The following TTC34 variants were observed in gnomAD, a reference collection of about 807,000 sequenced individuals.
TTC34 encodes tetratricopeptide repeat domain 34.
TTC34 carries 44 observed loss-of-function variants against 40.7 expected under a neutral mutation model. That is an observed-to-expected ratio of 1.08 (90% confidence interval 0.85 to 1.39). The LOEUF (loss-of-function observed/expected upper bound fraction) is 1.39. TTC34 is among the 40% of genes most tolerant of loss of function. The probability of loss-of-function intolerance (pLI) is 0.00; values close to 1 mark genes in which losing one functional copy is unlikely to be tolerated. For synonymous variants in TTC34, 422 were observed against 398.6 expected (o/e 1.06, Z -0.70); for missense variants, 884 against 838.0 (o/e 1.05, Z -0.68).
At chr1:2,749,511 G>A (rs1212790310) in intron 6 of TTC34, among the ~76,000 whole-genome samples, 12 of 56,508 alleles carry the variant, frequency 2.1e-4, no homozygotes, top group African/African-American at 5.1e-4. Flanking sequence ...ACAGCCTGGA[G>A]CAGCACCCAG....
chr1:2,787,227 T>G (rs1165659294), intron 4 of TTC34, among the ~76,000 whole-genome samples: 10 of 152,188 alleles, frequency 6.6e-5, no homozygotes, highest in South Asian at 2.1e-4. Context: ...CAGCTACGCA[T>G]GCAGGGAAAC....
chr1:2,793,374 C>T (rs1268393324), intron 2 of TTC34, among the ~76,000 whole-genome samples: 1 of 152,260 alleles, frequency 6.6e-6, no homozygotes, highest in East Asian at 1.9e-4. Flanking sequence ...TCTTCAAATA[C>T]TCTGCATACT....
At chr1:2,764,445 T>TG (rs1641736324) in intron 6 of TTC34, among the ~76,000 whole-genome samples, 1 of 145,744 alleles carries the variant, frequency 6.9e-6, no homozygotes, top group Admixed American at 6.8e-5. Context: ...TCTGACAGCC[T>TG]GGGGCAGTGC....
At chr1:2,648,168 C>T (rs1427689102) in intron 6 of TTC34, among the ~76,000 whole-genome samples, 2 of 151,826 alleles carry the variant, frequency 1.3e-5, no homozygotes, top group South Asian at 2.1e-4. Context: ...TACTTCTTCT[C>T]TTATTACGGG....
At chr1:2,700,319 G>T (rs1468575081) in intron 6 of TTC34, among the ~76,000 whole-genome samples, 1 of 75,424 alleles carries the variant, frequency 1.3e-5, no homozygotes, top group African/African-American at 4.1e-5. Context: ...GACAGTCTGG[G>T]GCAGCACCCA....
intron 6 of TTC34, among the ~76,000 whole-genome samples, chr1:2,695,862 A>G (rs1640840903): frequency 6.7e-6 from 1 of 150,048 alleles, no homozygotes. Context: ...GACAGCCTGG[A>G]GCAGAACCCA....
rs553703401 is a variant in TTC34 at position 2,691,637 on chromosome 1, C to A, written c.2227-46074G>T. Among the ~76,000 whole-genome samples the A allele has an allele frequency of 1.1e-4, 10 of 90,898 alleles. 1 individual carries two copies. The highest frequency in any genetic ancestry group is 1.5e-4 in the Non-Finnish European group (6 of 40,992). 59.6% of individuals were successfully genotyped at this position (90,898 alleles called of 152,430 possible). ...AGCACCCTGCACCCCCAGGTGCGCACGTGACAGCCTGGAACAGCACCGACA... is the reference window on the plus strand; with the variant it reads ...AGCACCCTGCACCCCCAGGTGCGCAAGTGACAGCCTGGAACAGCACCGACA... On this transcript the variant is annotated intron_variant, in intron 6 of 8. Coordinates refer to ENST00000401095, the Ensembl canonical transcript of TTC34.
chr1:2,637,171 A>G (rs1363998984), exon 9 of TTC34: 1 of 152,026 alleles, frequency 6.6e-6, no homozygotes, highest in Admixed American at 6.5e-5. Context: ...AAAAAGGCTT[A>G]AACAAAGGTA....
At chr1:2,699,994 C>T (rs1473591829) in intron 6 of TTC34, among the ~76,000 whole-genome samples, 1 of 111,512 alleles carries the variant, frequency 9.0e-6, no homozygotes, top group Non-Finnish European at 2.1e-5. Flanking sequence ...CATCTGACAG[C>T]CTGGAGCAGC....
chr1:2,684,920 C>T (rs1640255349), intron 6 of TTC34, among the ~76,000 whole-genome samples: 1 of 137,760 alleles, frequency 7.3e-6, no homozygotes, highest in Non-Finnish European at 1.5e-5. Flanking sequence ...CCCTGCACAC[C>T]CAGGTGAGCA....
intron 6 of TTC34, among the ~76,000 whole-genome samples, chr1:2,647,477 T>A (rs1431575246): frequency 6.6e-6 from 1 of 152,010 alleles, no homozygotes; most frequent in South Asian, 2.1e-4. Context: ...ACAATAAAAA[T>A]ACAAAACTTA....
intron 6 of TTC34, among the ~76,000 whole-genome samples, chr1:2,688,097 C>T (rs28550579): frequency 2.1e-5 from 3 of 146,124 alleles, no homozygotes; most frequent in Admixed American, 1.4e-4. Flanking sequence ...CCCCCAGGTG[C>T]GCACGTGACA....
At chr1:2,760,272 G>C (rs1641654472) in intron 6 of TTC34, among the ~76,000 whole-genome samples, 1 of 68,224 alleles carries the variant, frequency 1.5e-5, no homozygotes, top group African/African-American at 1.2e-4. Context: ...GCATGGAGCA[G>C]CAGCCACAAC....
intron 6 of TTC34, among the ~76,000 whole-genome samples, chr1:2,782,083 A>T (rs949270249): frequency 6.6e-6 from 1 of 152,128 alleles, no homozygotes; most frequent in African/African-American, 2.4e-5. Flanking sequence ...GATTCGTGTT[A>T]GTTCTTTAAA....
rs1381681246 is a variant in TTC34, at chr1:2,644,334, T to C, written c.2642A>G (p.Glu881Gly). Residue 881 changes from glutamate (E) to glycine (G), a missense_variant, in exon 8 of 9, where the codon GAG becomes GGG. Transcript: ENST00000401095. ...GCAGCTGAGATCCGGGGCATCCACCTCGGCCAGGCTCTGCAGGTCCCTTGC... is the reference window on the plus strand; with the variant it reads ...GCAGCTGAGATCCGGGGCATCCACCCCGGCCAGGCTCTGCAGGTCCCTTGC... 5 of 1,535,864 alleles carry C rather than the reference T, an allele frequency of 3.3e-6. No homozygotes were observed. Among genetic ancestry groups the C allele is most frequent in the Non-Finnish European group, 4.4e-6 (5 of 1,146,838 alleles).
At chr1:2,694,993 C>T (rs1407488160) in intron 6 of TTC34, among the ~76,000 whole-genome samples, 2 of 148,484 alleles carry the variant, frequency 1.3e-5, no homozygotes, top group African/African-American at 4.9e-5. Context: ...CACCCTGCAC[C>T]CCCAGGTGAG....
rs1442846602 is a variant in TTC34, at chr1:2,775,673, C to T, written c.2226+7936G>A. 2.0e-5 allele frequency: 3 copies of T among 148,448 alleles called. 1 individual carries two copies. Among genetic ancestry groups the T allele is most frequent in the African/African-American group, 7.9e-5 (3 of 38,114 alleles). The allele number at this position is 148,448 out of a possible 1,614,324, so 9.2% of individuals were successfully genotyped here. ...AGGATAAAACAGCACCCCACAACCC[C>T]AGGTGATCATTTGCCAGCCAGGAAC... On this transcript the variant is annotated intron_variant, in intron 6 of 8. Coordinates refer to ENST00000401095, the Ensembl canonical transcript of TTC34.
At chr1:2,801,250 G>A (rs1380716586) in intron 1 of TTC34, among the ~76,000 whole-genome samples, 1 of 151,808 alleles carries the variant, frequency 6.6e-6, no homozygotes, top group Non-Finnish European at 1.5e-5. Flanking sequence ...CCAACCCTGA[G>A]CCCCTCAGGA....
chr1:2,649,702 G>T (rs374752034), intron 6 of TTC34, among the ~76,000 whole-genome samples: 36 of 152,300 alleles, frequency 2.4e-4, no homozygotes, highest in African/African-American at 7.9e-4. Flanking sequence ...TGTATTTTTA[G>T]TAGAGACGGG....
Sources: allele counts gnomAD v4.1 joint callset (sites outside exome capture counted in the v4.1 genomes callset), GRCh38; gene constraint gnomAD v4.1.1; transcripts MANE v1.5; gene names NCBI Gene and HGNC (gene_info 2026-07-23, HGNC 2026-07-21).